LDLRAD3: variants seen among roughly 807,000 people sequenced by gnomAD.
The protein encoded by LDLRAD3 is low-density lipoprotein receptor class A domain-containing protein 3.
LDLRAD3 carries 20 observed loss-of-function variants against 29.4 expected under a neutral mutation model. The observed-to-expected ratio is 0.68, with a 90% CI of 0.48 to 0.99. LDLRAD3 has a LOEUF of 0.99. Ranked by LOEUF, LDLRAD3 falls within the 50% of genes least tolerant of loss-of-function variation. LDLRAD3 has a pLI of 0.00. For missense variants in LDLRAD3, 420 were observed against 454.3 expected, an observed-to-expected ratio of 0.92 and a Z score of 0.69; for synonymous variants, 157 against 192.7, an observed-to-expected ratio of 0.81 and a Z score of 1.53.
chr11:36,183,037 T>G (rs1478188263), intron 4 of LDLRAD3, among the ~76,000 whole-genome samples: 1 of 152,296 alleles, frequency 6.6e-6, no homozygotes, highest in Non-Finnish European at 1.5e-5. Flanking sequence ...GGGACCACAA[T>G]ACAAAATTGA....
chr11:36,015,151 G>A (rs145451644), intron 1 of LDLRAD3, among the ~76,000 whole-genome samples: 2 of 152,342 alleles, frequency 1.3e-5, no homozygotes, highest in African/African-American at 4.8e-5. Context: ...AGATGCCACC[G>A]CAGAGCCTTG....
At chr11:36,093,442 C>G (rs752693370) in intron 3 of LDLRAD3, among the ~76,000 whole-genome samples, 1 of 150,494 alleles carries the variant, frequency 6.6e-6, no homozygotes. Context: ...TTTTTTCTTT[C>G]TGTATATATC....
At chr11:36,099,511 G>A (rs1181964301) in intron 4 of LDLRAD3, among the ~76,000 whole-genome samples, 1 of 152,126 alleles carries the variant, frequency 6.6e-6, no homozygotes, top group Non-Finnish European at 1.5e-5. Context: ...CTTATGTTCA[G>A]TGTTCTACTG....
chr11:36,168,498 C>CT (rs5791083), intron 4 of LDLRAD3, among the ~76,000 whole-genome samples: 70,440 of 115,414 alleles, frequency 0.61, 22,601 homozygotes, highest in Non-Finnish European at 0.73. Context: ...TTTCTTTCTT[C>CT]TTTTTTTTTT....
intron 2 of LDLRAD3, among the ~76,000 whole-genome samples, chr11:36,060,999 T>C (rs1205783682): frequency 2.6e-5 from 4 of 152,228 alleles, no homozygotes; most frequent in Admixed American, 6.5e-5. Context: ...CTGTCTTCTG[T>C]GCAGTGTTGG....
chr11:35,976,992 C>T (rs2008924510), intron 1 of LDLRAD3, among the ~76,000 whole-genome samples: 1 of 152,156 alleles, frequency 6.6e-6, no homozygotes, highest in South Asian at 2.1e-4. Flanking sequence ...TTGGGTGTTA[C>T]TGATTTATTG....
At position 36,225,710 on chromosome 11, in the gene LDLRAD3, TA is replaced by T. The variant is rs113699622; in HGVS notation, c.455-1365del. On this transcript the variant is annotated intron_variant, in intron 4 of 5. Coordinates refer to ENST00000315571, the MANE Select transcript of LDLRAD3 (RefSeq NM_174902.4). ...TCTCTGAGCTTCATTTTCTTCATCT[TA>T]AAAAAAAAAGGAGAATCACACCACC... Among the ~76,000 whole-genome samples the T allele has an allele frequency of 1.4e-3, 203 of 147,264 alleles. 2 individuals are homozygous for T. Among genetic ancestry groups the T allele is most frequent in the Admixed American group, 0.012 (177 of 14,800 alleles).
At chr11:36,026,287 CCT>C (rs1565170435) in intron 1 of LDLRAD3, among the ~76,000 whole-genome samples, 1 of 151,926 alleles carries the variant, frequency 6.6e-6, no homozygotes, top group Non-Finnish European at 1.5e-5. Flanking sequence ...GTGAATGTAC[CCT>C]GTTTTCTCAT....
chr11:36,116,699 T>A (rs1363180500), intron 4 of LDLRAD3, among the ~76,000 whole-genome samples: 1 of 152,016 alleles, frequency 6.6e-6, no homozygotes, highest in Non-Finnish European at 1.5e-5. Context: ...AATAAAAAAA[T>A]AACAACTGGC....
intron 2 of LDLRAD3, among the ~76,000 whole-genome samples, chr11:36,063,505 G>A (rs7129024): frequency 0.66 from 100,760 of 152,066 alleles, 34,303 homozygotes; most frequent in African/African-American, 0.84. Context: ...GAATCATACA[G>A]TATGTGGCCT....
intron 4 of LDLRAD3, among the ~76,000 whole-genome samples, chr11:36,162,897 A>G (rs976181908): frequency 2.0e-5 from 3 of 152,198 alleles, no homozygotes; most frequent in African/African-American, 7.2e-5. Flanking sequence ...AGGGGGAAAC[A>G]GGGTTGTCGT....
intron 4 of LDLRAD3, among the ~76,000 whole-genome samples, chr11:36,115,977 T>C (rs2133291157): frequency 6.6e-6 from 1 of 152,318 alleles, no homozygotes; most frequent in Middle Eastern, 3.4e-3. Context: ...GAGCCCAGGT[T>C]CTGGATAGGT....
intron 1 of LDLRAD3, chr11:35,972,432 G>C (rs541727632): frequency 6.6e-6 from 1 of 151,650 alleles, no homozygotes; most frequent in South Asian, 2.1e-4. Context: ...TTAATCGTTT[G>C]TTTTCAAATT....
At position 36,142,390 on chromosome 11, in the gene LDLRAD3, T is replaced by C. The variant is rs117496582; in HGVS notation, c.454+43929T>C. 2.9e-3 allele frequency among the ~76,000 whole-genome samples: 438 copies of C among 152,352 alleles called. 5 individuals carry two copies. In the East Asian group the frequency reaches 0.032, roughly 11 times the overall value. ...TGTGTGTTTGTGATTTGTCATCATA[T>C]TCCGTTTAGTAGCTGCTGGTGAAAT... On this transcript the variant is annotated intron_variant, in intron 4 of 5. Transcript: ENST00000315571.
chr11:36,098,292 C>A lies in LDLRAD3; in HGVS notation c.320-35C>A, dbSNP rs372681106. Reference sequence around the variant, plus strand: ...CAGGGTCCCCAAGGGAACTTGCTGGCCTCCCTGGTAATGTGCTGTGTTTTC... The same window carrying A: ...CAGGGTCCCCAAGGGAACTTGCTGGACTCCCTGGTAATGTGCTGTGTTTTC... On this transcript the variant is annotated intron_variant, in intron 3 of 5. Transcript: ENST00000315571. 3 of 1,611,650 alleles carry A rather than the reference C, an allele frequency of 1.9e-6. No homozygotes were observed. The African/African-American group carries it at 4.0e-5, about 22-fold the overall frequency.
intron 3 of LDLRAD3, among the ~76,000 whole-genome samples, chr11:36,083,007 A>G (rs531603502): frequency 2.0e-5 from 3 of 152,330 alleles, no homozygotes; most frequent in Non-Finnish European, 4.4e-5. Context: ...GTGCATATAT[A>G]TATAAAAGAC....
At chr11:36,040,255 C>G (rs1292994786) in intron 2 of LDLRAD3, among the ~76,000 whole-genome samples, 1 of 151,934 alleles carries the variant, frequency 6.6e-6, no homozygotes, top group Non-Finnish European at 1.5e-5. Context: ...GTGAGCAGCT[C>G]TTCTGTATCC....
At chr11:36,091,269 T>G (rs1310739039) in intron 3 of LDLRAD3, among the ~76,000 whole-genome samples, 1 of 152,176 alleles carries the variant, frequency 6.6e-6, no homozygotes. Context: ...TCAAGACCCT[T>G]TGAGGTAGGA....
chr11:36,033,809 T>C (rs1400735351), intron 1 of LDLRAD3, among the ~76,000 whole-genome samples: 1 of 152,188 alleles, frequency 6.6e-6, no homozygotes, highest in Non-Finnish European at 1.5e-5. Context: ...TTCTCAGGGT[T>C]GTTGGTGGCT....
Sources: allele counts gnomAD v4.1 joint callset (sites outside exome capture counted in the v4.1 genomes callset), GRCh38; gene constraint gnomAD v4.1.1; transcripts MANE v1.5; gene names NCBI Gene and HGNC (gene_info 2026-07-23, HGNC 2026-07-21).